The following CUBN variants were observed in gnomAD, a reference collection of about 807,000 sequenced individuals.
CUBN encodes the protein cubilin.
Under a neutral mutation model 405.3 loss-of-function variants are expected in CUBN, and 282 were observed. The observed-to-expected ratio is 0.70, with a 90% CI of 0.63 to 0.77. The LOEUF (loss-of-function observed/expected upper bound fraction) is 0.77, where lower values mean the gene tolerates loss of function less well. CUBN is among the 30% of genes least tolerant of loss of function. CUBN has a pLI of 0.00. For synonymous variants in CUBN, 1,684 were observed against 1,617.0 expected (o/e 1.04, Z -0.99); for missense variants, 4,514 against 4,475.2 (o/e 1.01, Z -0.25).
intron 56 of CUBN, among the ~76,000 whole-genome samples, chr10:16,878,333 C>A (rs1048347697): frequency 6.6e-5 from 10 of 152,094 alleles, no homozygotes; most frequent in African/African-American, 9.7e-5. Context: ...AGGAAAAAAA[C>A]CAGCCTAACT....
chr10:16,870,309 C>A (rs1269861975), intron 58 of CUBN, among the ~76,000 whole-genome samples: 1 of 152,280 alleles, frequency 6.6e-6, no homozygotes, highest in East Asian at 1.9e-4. Flanking sequence ...AGAAGAAATG[C>A]TGCTTTTAGA....
At chr10:17,027,057 G>A (rs768255926) in intron 27 of CUBN, among the ~76,000 whole-genome samples, 6 of 152,172 alleles carry the variant, frequency 3.9e-5, no homozygotes, top group South Asian at 2.1e-4. Context: ...AAAAACCAGC[G>A]TTTCCTTTCT....
intron 63 of CUBN, among the ~76,000 whole-genome samples, chr10:16,835,408 C>T (rs1377481203): frequency 3.9e-5 from 6 of 152,212 alleles, no homozygotes; most frequent in African/African-American, 1.2e-4. Context: ...AGCTCGTTCA[C>T]ACAAACACGC....
chr10:17,012,617 C>T (rs956075338), intron 28 of CUBN, among the ~76,000 whole-genome samples: 22 of 152,300 alleles, frequency 1.4e-4, no homozygotes, highest in African/African-American at 4.3e-4. Flanking sequence ...GCAAACTCTA[C>T]GTTAGTAGAA....
At chr10:16,938,245 G>T (rs1842571425) in intron 38 of CUBN, among the ~76,000 whole-genome samples, 1 of 152,086 alleles carries the variant, frequency 6.6e-6, no homozygotes, top group African/African-American at 2.4e-5. Flanking sequence ...AAGGAAAGAA[G>T]AATTAATGAC....
At position 16,841,007 on chromosome 10, in the gene CUBN, G is replaced by T. The variant is rs756742695; in HGVS notation, c.9704C>A (p.Thr3235Lys). 5.0e-6 allele frequency: 8 copies of T among 1,614,040 alleles called. No homozygotes were observed. The East Asian group carries it at 1.1e-4, about 22-fold the overall frequency. Residue 3235 changes from threonine (T) to lysine (K), a missense_variant, in exon 61 of 67, where the codon ACG becomes AAG. Transcript: ENST00000377833. ...AGCAGGTACTGTGGAACCACAAAACGTTCCAGCCAAGTTCGCATTTTCACT... is the reference window on the plus strand; with the variant it reads ...AGCAGGTACTGTGGAACCACAAAACTTTCCAGCCAAGTTCGCATTTTCACT... The part of the protein sequence containing the change: ...GDSENANLAG[T>K]FCGSTVPAPF...
intron 23 of CUBN, among the ~76,000 whole-genome samples, chr10:17,047,127 C>T (rs1835154221): frequency 6.6e-6 from 1 of 152,164 alleles, no homozygotes; most frequent in African/African-American, 2.4e-5. Flanking sequence ...CAAGTTACAT[C>T]ATTTCAGAGT....
intron 59 of CUBN, among the ~76,000 whole-genome samples, chr10:16,854,692 T>A (rs73590400): frequency 0.11 from 16,836 of 152,194 alleles, 3,141 homozygotes; most frequent in African/African-American, 0.38. Context: ...TCACTACTTG[T>A]TTATTAACTG....
chr10:16,884,147 T>G (rs1021241719), intron 56 of CUBN, among the ~76,000 whole-genome samples: 3 of 152,044 alleles, frequency 2.0e-5, no homozygotes, highest in Non-Finnish European at 4.4e-5. Context: ...GCCCGGCTAA[T>G]TTTTTGCATT....
intron 34 of CUBN, among the ~76,000 whole-genome samples, chr10:16,949,588 TTATC>T (rs1842876437): frequency 1.3e-5 from 2 of 151,594 alleles, no homozygotes; most frequent in African/African-American, 2.4e-5. Context: ...AATTAATTAA[TTATC>T]TAATTAAGTG....
intron 43 of CUBN, among the ~76,000 whole-genome samples, chr10:16,921,869 G>A (rs563718666): frequency 1.3e-5 from 2 of 152,154 alleles, no homozygotes; most frequent in South Asian, 4.2e-4. Flanking sequence ...TTCCTGTTCC[G>A]ACCACTTACT....
intron 27 of CUBN, among the ~76,000 whole-genome samples, chr10:17,036,186 C>T (rs1041288782): frequency 1.3e-5 from 2 of 152,098 alleles, no homozygotes; most frequent in Non-Finnish European, 2.9e-5. Context: ...TGCTGTCGAG[C>T]TCAAACACAT....
intron 27 of CUBN, among the ~76,000 whole-genome samples, chr10:17,020,675 T>C (rs1045408481): frequency 6.6e-6 from 1 of 152,340 alleles, no homozygotes; most frequent in African/African-American, 2.4e-5. Context: ...GGTGTATATA[T>C]GTGTTTATAC....
At chr10:16,834,249 A>C (rs7897453) in intron 64 of CUBN, among the ~76,000 whole-genome samples, 28 of 151,990 alleles carry the variant, frequency 1.8e-4, no homozygotes, top group African/African-American at 6.0e-4. Context: ...GTTCCATCTC[A>C]TATGCCCAAT....
At chr10:16,987,023 G>A (rs979282276) in intron 29 of CUBN, among the ~76,000 whole-genome samples, 4 of 152,156 alleles carry the variant, frequency 2.6e-5, no homozygotes, top group African/African-American at 9.7e-5. Flanking sequence ...TTCCCTTCTT[G>A]CAAGGCTGAG....
chr10:16,831,194 A>G, intron 65 of CUBN, 58 bp downstream of exon 65: 1 of 1,486,218 alleles, frequency 6.7e-7, no homozygotes, highest in Non-Finnish European at 9.4e-7. Flanking sequence ...GCCTTTTACT[A>G]TTAGACACCT....
chr10:16,896,572 T>C (rs1841189370), intron 54 of CUBN, among the ~76,000 whole-genome samples: 1 of 152,226 alleles, frequency 6.6e-6, no homozygotes. Flanking sequence ...CCCAATTCTC[T>C]CTGACTGCTT....
At chr10:16,895,716 G>A (rs1326000128) in intron 54 of CUBN, among the ~76,000 whole-genome samples, 1 of 151,982 alleles carries the variant, frequency 6.6e-6, no homozygotes, top group Non-Finnish European at 1.5e-5. Flanking sequence ...ATCCACTCCT[G>A]CTTTTTTGGT....
Position 16,984,172 on chromosome 10 carries a change from AAT to A in CUBN, c.4456_4457del (p.Ile1486SerfsTer45). 1 of 1,614,136 alleles carries A rather than the reference AAT, an allele frequency of 6.2e-7. No individual in the cohort carries two copies. The highest frequency in any genetic ancestry group is 8.5e-7 in the Non-Finnish European group (1 of 1,180,038). On this transcript the variant is annotated frameshift_variant, in exon 30 of 67. Coordinates refer to ENST00000377833, the MANE Select transcript of CUBN (RefSeq NM_001081.4). LOFTEE classifies it high-confidence loss of function. ...QVSSTGNELA[I>X]RFKTDLSING... The stretch of plus-strand genomic sequence containing the variant: ...TTATGGACAAGTCGGTCTTGAATCG[AAT>A]TGCTAGCTCATTTCCAGTGCTGGAG...
Sources: allele counts gnomAD v4.1 joint callset (sites outside exome capture counted in the v4.1 genomes callset), GRCh38; gene constraint gnomAD v4.1.1; transcripts MANE v1.5; gene names NCBI Gene and HGNC (gene_info 2026-07-23, HGNC 2026-07-21).